MPDZ: variants seen among roughly 807,000 people sequenced by gnomAD.
MPDZ encodes multiple PDZ domain protein.
A neutral mutation model predicts 239.1 loss-of-function variants in MPDZ; 234 were observed. The ratio of observed to expected loss-of-function variants is 0.98; its 90% confidence interval spans 0.88 to 1.09. The LOEUF (loss-of-function observed/expected upper bound fraction) is 1.09. Among genes scored for constraint, MPDZ ranks in the 50% least tolerant of loss-of-function variants. The probability of loss-of-function intolerance (pLI) is 0.00; values close to 1 mark genes in which losing one functional copy is unlikely to be tolerated. For missense variants in MPDZ, 3,175 were observed against 2,510.0 expected, an observed-to-expected ratio of 1.26 and a Z score of -5.66; for synonymous variants, 1,048 against 881.3, an observed-to-expected ratio of 1.19 and a Z score of -3.35.
intron 1 of MPDZ, among the ~76,000 whole-genome samples, chr9:13,260,313 A>T (rs1246351750): frequency 6.6e-6 from 1 of 152,128 alleles, no homozygotes; most frequent in African/African-American, 2.4e-5. Flanking sequence ...GGAAAATGGG[A>T]GCTAGATTAA....
chr9:13,227,553 T>C (rs1465322332), intron 3 of MPDZ, among the ~76,000 whole-genome samples: 4 of 152,130 alleles, frequency 2.6e-5, no homozygotes, highest in Admixed American at 6.6e-5. Flanking sequence ...TATGCTATGG[T>C]AAGCCAGAAT....
chr9:13,257,095 T>C lies in MPDZ; in HGVS notation c.-57-6723A>G, dbSNP rs539428977. On this transcript the variant is annotated intron_variant, in intron 1 of 46. Coordinates refer to ENST00000319217, the MANE Select transcript of MPDZ (RefSeq NM_001378778.1). ...CCAGTTTCCCTCTAGCTGCTGTTCATGTATCCTGCTAGTGGCCATATCACT... is the reference window on the plus strand; with the variant it reads ...CCAGTTTCCCTCTAGCTGCTGTTCACGTATCCTGCTAGTGGCCATATCACT... Among the ~76,000 whole-genome samples the C allele has an allele frequency of 1.1e-3, 161 of 152,302 alleles. 1 individual carries two copies. Among genetic ancestry groups the C allele is most frequent in the African/African-American group, 3.3e-3 (136 of 41,576 alleles).
chr9:13,204,992 A>G (rs1198100777), intron 12 of MPDZ, 44 bp downstream of exon 12: 18 of 1,237,238 alleles, frequency 1.5e-5, no homozygotes, highest in Non-Finnish European at 1.9e-5. Context: ...TTTCTAAAAA[A>G]GAAAAATAAT....
rs1349579798 is a variant in MPDZ at position 13,106,441 on chromosome 9, T to A, written c.*524A>T. The A allele has an allele frequency of 2.0e-5, 3 of 152,174 alleles. No individual in the cohort carries two copies. The East Asian group carries it at 5.8e-4, about 29-fold the overall frequency. 9.4% of individuals were successfully genotyped at this position (152,174 alleles called of 1,614,324 possible). A position where few individuals can be genotyped will look rare whatever the true frequency, so the allele number is the denominator to read the frequency against. ...GTTTTTATAATACTGTTGAAAATTT[T>A]AAAATACTGACAGTATTTTTAAAGA... On this transcript the variant is annotated 3_prime_UTR_variant, in exon 47 of 47. Coordinates refer to ENST00000319217, the MANE Select transcript of MPDZ (RefSeq NM_001378778.1).
At chr9:13,254,045 C>A (rs1219707331) in intron 1 of MPDZ, among the ~76,000 whole-genome samples, 2 of 152,188 alleles carry the variant, frequency 1.3e-5, no homozygotes, top group African/African-American at 2.4e-5. Flanking sequence ...TTAATTTCTA[C>A]AATATGCTGC....
chr9:13,239,200 A>AG (rs1022788132), intron 3 of MPDZ, among the ~76,000 whole-genome samples: 48 of 152,202 alleles, frequency 3.2e-4, no homozygotes, highest in Non-Finnish European at 8.8e-5. Flanking sequence ...CCACAATCTG[A>AG]GATCAGATAA....
rs765230349 is a variant in MPDZ, at chr9:13,222,334, C to T, written c.646G>A (p.Val216Ile). The change falls in exon 6 of 47, where the codon GTC (valine) becomes ATC (isoleucine). Residue 216 changes from valine to isoleucine, a missense_variant. Transcript: ENST00000319217. ...ISILQKAKDT[V>I]QLVIARGSLP... is the part of the protein sequence containing the mutation. ...GAGCCTCTGGCAATAACTAGCTGGA[C>T]AGTATCTTTGGCTTTCTGCAGGATG... 3 of 1,612,918 alleles carry T rather than the reference C, an allele frequency of 1.9e-6. No individual in the cohort carries two copies. The highest frequency in any genetic ancestry group is 1.1e-5 in the South Asian group (1 of 91,064).
chr9:13,228,539 G>A (rs1961359948), intron 3 of MPDZ, among the ~76,000 whole-genome samples: 1 of 151,990 alleles, frequency 6.6e-6, no homozygotes, highest in African/African-American at 2.4e-5. Context: ...TAAAACACAT[G>A]TATATTCATT....
chr9:13,179,549 C>A (rs1952994645), intron 19 of MPDZ, among the ~76,000 whole-genome samples: 1 of 152,060 alleles, frequency 6.6e-6, no homozygotes, highest in Non-Finnish European at 1.5e-5. Context: ...GGTTGCTCAA[C>A]AACCAACTCA....
intron 1 of MPDZ, among the ~76,000 whole-genome samples, chr9:13,253,528 C>T (rs1405567749): frequency 1.3e-5 from 2 of 152,274 alleles, no homozygotes; most frequent in South Asian, 2.1e-4. Context: ...ATTGCAGCCA[C>T]GAATTCCTCT....
chr9:13,157,980 T>TTAG, intron 24 of MPDZ, 38 bp downstream of exon 24: 1 of 1,538,862 alleles, frequency 6.5e-7, no homozygotes, highest in Non-Finnish European at 9.0e-7. Context: ...AAACACTATA[T>TTAG]ATCCATTGGG....
At chr9:13,269,762 T>C (rs1395601112) in intron 1 of MPDZ, among the ~76,000 whole-genome samples, 2 of 152,200 alleles carry the variant, frequency 1.3e-5, no homozygotes, top group Non-Finnish European at 2.9e-5. Context: ...TTGTCAGTCA[T>C]TGGTAGTCCA....
chr9:13,145,796 C>T (rs1011180925), intron 26 of MPDZ, among the ~76,000 whole-genome samples: 13 of 151,990 alleles, frequency 8.6e-5, no homozygotes, highest in Non-Finnish European at 1.8e-4. Context: ...CTTCCCGGCT[C>T]ATTGGAAAAT....
In MPDZ at chr9:13,139,999, C is replaced by A; in HGVS notation, c.3991G>T (p.Gly1331Cys). The A allele has an allele frequency of 6.2e-7, 1 of 1,613,310 alleles. No homozygotes were observed. Among genetic ancestry groups the A allele is most frequent in the Non-Finnish European group, 8.5e-7 (1 of 1,179,592 alleles). ...AAACACAACTTACTCCAGCTGTAAC[C>A]AAACTCATCCTCTTTGTCCACATCT... is the stretch of plus-strand genomic sequence containing the variant. ...SQDVDKEDEF[G>C]YSWKNIRERY... Residue 1331 changes from glycine to cysteine, a missense_variant, in exon 28 of 47, where the codon GGT becomes TGT. Gly to Cys is a radical substitution (Grantham distance 159). Transcript: ENST00000319217.
intron 1 of MPDZ, among the ~76,000 whole-genome samples, chr9:13,263,167 T>C (rs966411622): frequency 6.6e-6 from 1 of 152,132 alleles, no homozygotes; most frequent in African/African-American, 2.4e-5. Context: ...AAGGGAAATG[T>C]CTGAGACAAG....
At chr9:13,186,066 A>C (rs1954053622) in intron 18 of MPDZ, among the ~76,000 whole-genome samples, 1 of 152,190 alleles carries the variant, frequency 6.6e-6, no homozygotes, top group Non-Finnish European at 1.5e-5. Flanking sequence ...ACGTTAATTA[A>C]GTTTTCCTCA....
intron 1 of MPDZ, among the ~76,000 whole-genome samples, chr9:13,256,040 G>T (rs1406910070): frequency 2.0e-5 from 3 of 152,132 alleles, no homozygotes; most frequent in Admixed American, 6.5e-5. Flanking sequence ...ATCTTAGCTA[G>T]ATCTTCTGGA....
Position 13,109,997 on chromosome 9 carries a change from G to T in MPDZ, c.5897C>A (p.Ser1966Tyr). 1 of 1,613,364 alleles carries T rather than the reference G, an allele frequency of 6.2e-7. No homozygotes were observed. Among genetic ancestry groups the T allele is most frequent in the South Asian group, 1.1e-5 (1 of 90,986 alleles). Residue 1966 changes from serine (S) to tyrosine (Y), a missense_variant, in exon 45 of 47, where the codon TCT becomes TAT. By Grantham distance (144) the Ser-to-Tyr change is moderately radical. Coordinates refer to ENST00000319217, the MANE Select transcript of MPDZ (RefSeq NM_001378778.1). Reference protein sequence around the residue: ...HQQEPASSSLSFTGLTSSSIF... With the variant: ...HQQEPASSSLYFTGLTSSSIF... ...ACTGCTTGACGTCAGCCCAGTGAAA[G>T]AAAGACTGGAACTTGCAGGCTCCTG...
intron 44 of MPDZ, 114 bp downstream of exon 44, chr9:13,110,522 A>T: frequency 2.7e-6 from 2 of 749,894 alleles, no homozygotes; most frequent in Admixed American, 4.7e-5. Context: ...GTTCAAGAGA[A>T]ATATTAAATA....
Sources: allele counts gnomAD v4.1 joint callset (sites outside exome capture counted in the v4.1 genomes callset), GRCh38; gene constraint gnomAD v4.1.1; transcripts MANE v1.5; gene names NCBI Gene and HGNC (gene_info 2026-07-23, HGNC 2026-07-21).